IGF2R: variants seen among roughly 807,000 people sequenced by gnomAD.
IGF2R encodes insulin like growth factor 2 receptor.
IGF2R carries 91 observed loss-of-function variants against 270.6 expected under a neutral mutation model. The ratio of observed to expected loss-of-function variants is 0.34; its 90% CI spans 0.28 to 0.40. The LOEUF is 0.40. IGF2R is among the 10% of genes least tolerant of loss of function. The pLI is 1.00. For missense variants in IGF2R, 2,805 were observed against 3,188.3 expected (o/e 0.88, Z 2.90); for synonymous variants, 1,316 against 1,258.9 (o/e 1.05, Z -0.96).
At chr6:160,035,396 G>A (rs1389122077) in intron 10 of IGF2R, among the ~76,000 whole-genome samples, 1 of 152,192 alleles carries the variant, frequency 6.6e-6, no homozygotes, top group Non-Finnish European at 1.5e-5. Context: ...GACATGATGT[G>A]AACCATGCTC....
rs773515133 is a variant in IGF2R at position 160,104,787 on chromosome 6, C to A, written c.7179C>A (p.Thr2393=). 1.9e-6 allele frequency: 3 copies of A among 1,614,138 alleles called. No homozygotes were observed. Among genetic ancestry groups the A allele is most frequent in the Admixed American group, 3.3e-5 (2 of 60,026 alleles). The part of the protein sequence containing the change: ...KEGQENGHIT[T]KSVKALSSLH... ...GGCAGGAGAACGGCCATATTACCAC[C>A]AAGTCAGTGAAAGCCCTCAGCTCCC... is the stretch of plus-strand genomic sequence containing the variant. Residue 2393 remains threonine, a synonymous_variant, in exon 48 of 48, where the codon ACC becomes ACA. Coordinates refer to ENST00000356956, the MANE Select transcript of IGF2R (RefSeq NM_000876.4).
At chr6:160,010,619 TCA>T in intron 3 of IGF2R, 66 bp from the exon 4 acceptor site, 1 of 1,013,610 alleles carries the variant, frequency 9.9e-7, no homozygotes, top group Non-Finnish European at 1.5e-6. Flanking sequence ...TACTGCATTC[TCA>T]TTTTAAAGAA....
rs1405005946 is a variant in IGF2R at position 160,102,645 on chromosome 6, C to T, written c.6969C>T (p.Ala2323=). ...TGGCGCTCACCTGCTGCCTGCTGGC[C>T]CTGTTGCTCTACAAGAAGGAGAGGA... is the stretch of plus-strand genomic sequence containing the variant. ...LLVALTCCLL[A]LLLYKKERRE... Residue 2323 remains alanine (A), a synonymous_variant, in exon 46 of 48, where the codon GCC becomes GCT. Transcript: ENST00000356956. This position sits in a 1 kb window ranked among gnomAD's most constrained non-coding sequence, Gnocchi z 4.5. The T allele has an allele frequency of 1.2e-6, 2 of 1,609,940 alleles. No homozygotes were observed. Among genetic ancestry groups the T allele is most frequent in the East Asian group, 4.5e-5 (2 of 44,652 alleles).
intron 1 of IGF2R, among the ~76,000 whole-genome samples, chr6:159,971,918 A>G (rs551779100): frequency 2.0e-5 from 3 of 152,160 alleles, no homozygotes; most frequent in East Asian, 3.9e-4. Context: ...CAGCCTCCCA[A>G]AGTGTTGGGA....
chr6:160,068,290 G>A lies in IGF2R; in HGVS notation c.4157G>A (p.Arg1386Lys). ...GNSFDLSSLSRYSDNWEAITG... is the reference protein window; with the variant it reads ...GNSFDLSSLSKYSDNWEAITG... Reference sequence around the variant, plus strand: ...TCCTTCGACCTCTCGTCCCTGTCAAGGTACAGTGACAACTGGGAAGCCATC... The same window carrying A: ...TCCTTCGACCTCTCGTCCCTGTCAAAGTACAGTGACAACTGGGAAGCCATC... The change falls in exon 30 of 48, where the codon AGG (arginine) becomes AAG (lysine). Residue 1386 changes from arginine (R) to lysine (K), a missense_variant. Coordinates refer to ENST00000356956, the MANE Select transcript of IGF2R (RefSeq NM_000876.4). 1 of 1,614,228 alleles carries A rather than the reference G, an allele frequency of 6.2e-7. No homozygotes were observed. Among genetic ancestry groups the A allele is most frequent in the Non-Finnish European group, 8.5e-7 (1 of 1,180,024 alleles).
At chr6:159,979,869 C>T (rs1409987491) in intron 1 of IGF2R, among the ~76,000 whole-genome samples, 1 of 152,112 alleles carries the variant, frequency 6.6e-6, no homozygotes, top group African/African-American at 2.4e-5. Flanking sequence ...AAAGCCAGAG[C>T]CCTTGAGGAC....
At chr6:160,052,691 A>T (rs1372352605) in intron 19 of IGF2R, among the ~76,000 whole-genome samples, 1 of 152,242 alleles carries the variant, frequency 6.6e-6, no homozygotes, top group Non-Finnish European at 1.5e-5. Flanking sequence ...CTATGCTACA[A>T]GGCTACAATA....
intron 6 of IGF2R, among the ~76,000 whole-genome samples, chr6:160,028,967 C>A (rs1039037594): frequency 6.6e-6 from 1 of 151,760 alleles, no homozygotes; most frequent in Admixed American, 6.6e-5. Context: ...TGAAGCAGAT[C>A]AAACAGGTTT....
At chr6:160,033,740 G>A (rs1206277993) in intron 9 of IGF2R, among the ~76,000 whole-genome samples, 1 of 152,208 alleles carries the variant, frequency 6.6e-6, no homozygotes, top group Admixed American at 6.5e-5. Context: ...TTTTTAAGGA[G>A]TTTTGATTTT....
At chr6:160,080,751 G>C (rs1778961995) in intron 39 of IGF2R, among the ~76,000 whole-genome samples, 1 of 152,162 alleles carries the variant, frequency 6.6e-6, no homozygotes, top group African/African-American at 2.4e-5. Flanking sequence ...CGGTGCTCAG[G>C]AAGTTTCATG....
chr6:160,040,443 C>G, intron 10 of IGF2R, 117 bp from the exon 11 acceptor site: 1 of 804,556 alleles, frequency 1.2e-6, no homozygotes, highest in Non-Finnish European at 2.0e-6. Context: ...AAACCTGGAC[C>G]TGAATTTTTT....
chr6:159,986,737 T>C (rs1783893561), intron 1 of IGF2R, among the ~76,000 whole-genome samples: 1 of 134,738 alleles, frequency 7.4e-6, no homozygotes, highest in Admixed American at 7.7e-5. Context: ...AATATATTGA[T>C]CTCTTTTTTT....
Position 160,032,624 on chromosome 6 carries a change from A to C in IGF2R, c.956A>C (p.His319Pro). The change falls in exon 8 of 48, where the codon CAC becomes CCC. Residue 319 changes from histidine (H) to proline (P), a missense_variant. Transcript: ENST00000356956. ...GAGTGGATTACTGAGTATGCCTGCC[A>C]CAGAGATTACCTGGAAAGTAAAACT... The part of the protein sequence containing the change: ...EIEWITEYAC[H>P]RDYLESKTCS... 1.2e-6 allele frequency: 2 copies of C among 1,614,210 alleles called. No individual in the cohort carries two copies. The highest frequency in any genetic ancestry group is 1.7e-6 in the Non-Finnish European group (2 of 1,180,014).
chr6:160,082,742 G>T (rs1779013484), intron 39 of IGF2R, among the ~76,000 whole-genome samples: 1 of 152,264 alleles, frequency 6.6e-6, no homozygotes, highest in African/African-American at 2.4e-5. Flanking sequence ...TCTATTTGGA[G>T]TCAGGATACA....
chr6:160,010,448 G>A (rs757636913), intron 3 of IGF2R: 27 of 394,480 alleles, frequency 6.8e-5, no homozygotes, highest in Non-Finnish European at 9.2e-5. Context: ...CAGCTGGGGC[G>A]GTAGAATTCC....
intron 2 of IGF2R, among the ~76,000 whole-genome samples, chr6:159,993,084 C>T (rs1228282538): frequency 6.6e-6 from 1 of 152,124 alleles, no homozygotes; most frequent in Non-Finnish European, 1.5e-5. Flanking sequence ...GTCCTTTGCC[C>T]TCTTTTTAAA....
intron 22 of IGF2R, among the ~76,000 whole-genome samples, chr6:160,060,209 G>A (rs1778405173): frequency 6.6e-6 from 1 of 151,848 alleles, no homozygotes; most frequent in South Asian, 2.1e-4. Flanking sequence ...CACCGTTGCA[G>A]TGAGTGTGTA....
intron 10 of IGF2R, among the ~76,000 whole-genome samples, chr6:160,035,614 G>T (rs920871917): frequency 4.6e-5 from 7 of 152,224 alleles, no homozygotes; most frequent in Non-Finnish European, 8.8e-5. Flanking sequence ...TGCCATTGCT[G>T]TCCTTGTTCT....
intron 1 of IGF2R, among the ~76,000 whole-genome samples, chr6:159,983,590 C>T (rs1220737821): frequency 6.6e-6 from 1 of 152,166 alleles, no homozygotes; most frequent in Non-Finnish European, 1.5e-5. Flanking sequence ...ATGTTTCTGC[C>T]ACAGACTTTG....
Sources: allele counts gnomAD v4.1 joint callset (sites outside exome capture counted in the v4.1 genomes callset), GRCh38; gene constraint gnomAD v4.1.1; non-coding constraint Gnocchi (gnomAD v3.1); transcripts MANE v1.5; gene names NCBI Gene and HGNC (gene_info 2026-07-23, HGNC 2026-07-21).